HYCC2: variants seen among roughly 807,000 people sequenced by gnomAD.
HYCC2 encodes hyccin PI4KA lipid kinase complex subunit 2, also known as hyccin 2.
the HYCC2 span, among the ~76,000 whole-genome samples, chr2:201,031,138 T>C: frequency 3.3e-5 from 5 of 152,186 alleles, no homozygotes; most frequent in Non-Finnish European, 5.9e-5. Flanking sequence ...CTATAATCTT[T>C]CAGATTTTTA....
chr2:201,064,572 T>C, the HYCC2 span, among the ~76,000 whole-genome samples: 9 of 152,138 alleles, frequency 5.9e-5, no homozygotes, highest in African/African-American at 2.2e-4. Flanking sequence ...TGTTGTGACC[T>C]GAAGTTCACC....
the HYCC2 span, among the ~76,000 whole-genome samples, chr2:201,025,636 T>C: frequency 1.3e-5 from 2 of 152,078 alleles, no homozygotes; most frequent in Non-Finnish European, 1.5e-5. Context: ...GAACCACTTA[T>C]ATAAAAGGTC....
At chr2:201,070,285 G>A in the HYCC2 span, among the ~76,000 whole-genome samples, 1 of 152,110 alleles carries the variant, frequency 6.6e-6, no homozygotes, top group South Asian at 2.1e-4. Context: ...GAGGTTCAGA[G>A]TCCACTTTTT....
At chr2:201,065,342 C>T in the HYCC2 span, among the ~76,000 whole-genome samples, 1 of 152,126 alleles carries the variant, frequency 6.6e-6, no homozygotes, top group African/African-American at 2.4e-5. Context: ...TCTATTTAAC[C>T]TGTTGAAGAA....
At chr2:201,010,115 A>G in the HYCC2 span, among the ~76,000 whole-genome samples, 2 of 151,756 alleles carry the variant, frequency 1.3e-5, no homozygotes, top group Admixed American at 1.3e-4. Flanking sequence ...AAAAAAAAAA[A>G]AAAAGAAAAG....
At chr2:201,011,405 G>A in the HYCC2 span, 1 of 1,567,248 alleles carries the variant, frequency 6.4e-7, no homozygotes, top group Non-Finnish European at 8.7e-7. Flanking sequence ...ATGGTATATT[G>A]AAGGCTTGGA....
At chr2:201,010,988 T>G in the HYCC2 span, among the ~76,000 whole-genome samples, 8 of 151,236 alleles carry the variant, frequency 5.3e-5, no homozygotes, top group East Asian at 1.6e-3. Flanking sequence ...CTACTAAAAA[T>G]AAAAAAATTA....
chr2:201,059,546 C>G, the HYCC2 span, among the ~76,000 whole-genome samples: 12 of 152,136 alleles, frequency 7.9e-5, no homozygotes, highest in Admixed American at 7.2e-4. Context: ...ACCTCCTTAT[C>G]TTGACTTTTG....
At chr2:201,002,685 C>A in the HYCC2 span, among the ~76,000 whole-genome samples, 2 of 152,162 alleles carry the variant, frequency 1.3e-5, no homozygotes, top group East Asian at 3.9e-4. Flanking sequence ...GCCACCACGC[C>A]CAGCTAATTT....
At chr2:201,040,135 T>C in the HYCC2 span, among the ~76,000 whole-genome samples, 1 of 150,582 alleles carries the variant, frequency 6.6e-6, no homozygotes, top group African/African-American at 2.4e-5. Flanking sequence ...ACCGCGCCAC[T>C]GCACTCTAGC....
chr2:201,068,541 T>C, the HYCC2 span, among the ~76,000 whole-genome samples: 2 of 152,112 alleles, frequency 1.3e-5, no homozygotes, highest in South Asian at 4.1e-4. Context: ...TTCACACTCC[T>C]CCCATCCGTA....
the HYCC2 span, chr2:201,063,954 AT>A: frequency 6.3e-7 from 1 of 1,597,500 alleles, no homozygotes; most frequent in Non-Finnish European, 8.5e-7. Context: ...TCTGGCCCCT[AT>A]GGCGGTGGAG....
chr2:201,066,849 T>TCACCCACGTC, the HYCC2 span: 1 of 154,498 alleles, frequency 6.5e-6, no homozygotes, highest in Non-Finnish European at 1.4e-5. Context: ...GATCCGCAAG[T>TCACCCACGTC]CACCCACGTC....
chr2:200,981,660 A>G, the HYCC2 span: 5 of 1,614,128 alleles, frequency 3.1e-6, no homozygotes, highest in East Asian at 2.2e-5. The surrounding 1 kb of genome is among the most constrained non-coding windows in gnomAD (Gnocchi z 4.5). Flanking sequence ...GAACTACTGA[A>G]TCTCGAGGGC....
chr2:201,045,155 G>C, the HYCC2 span, among the ~76,000 whole-genome samples: 21 of 152,180 alleles, frequency 1.4e-4, no homozygotes, highest in Non-Finnish European at 2.4e-4. Flanking sequence ...CTTGTGGCTA[G>C]AGTCTCCTAT....
the HYCC2 span, among the ~76,000 whole-genome samples, chr2:201,010,250 G>C: frequency 0.028 from 4,202 of 152,172 alleles, 106 homozygotes; most frequent in Middle Eastern, 0.088. Flanking sequence ...GGCTAAATGG[G>C]AGACATTCTA....
At chr2:201,042,700 G>A in the HYCC2 span, among the ~76,000 whole-genome samples, 1 of 151,052 alleles carries the variant, frequency 6.6e-6, no homozygotes. Context: ...CCGGGAGCTG[G>A]GGGGCAGCCC....
the HYCC2 span, chr2:200,974,546 A>T: frequency 6.6e-6 from 1 of 151,980 alleles, no homozygotes; most frequent in South Asian, 2.1e-4. Flanking sequence ...CTCTCAATTC[A>T]GTATGGATGA....
At chr2:201,045,631 T>C in the HYCC2 span, 1 of 397,182 alleles carries the variant, frequency 2.5e-6, no homozygotes, top group Non-Finnish European at 4.4e-6. Context: ...AATATTGAGG[T>C]AATATTCTCA....
Sources: gnomAD v4.1 joint callset for allele counts (sites outside exome capture counted in the v4.1 genomes callset) on GRCh38, gnomAD v4.1.1 for gene constraint, Gnocchi (gnomAD v3.1) non-coding constraint, MANE v1.5 for transcripts, NCBI Gene and HGNC (gene_info 2026-07-23, HGNC 2026-07-21) for gene names.